Variants in ABL1 observed in about 807,000 individuals in gnomAD.
The protein encoded by ABL1 is ABL proto-oncogene 1, non-receptor tyrosine kinase.
A neutral mutation model predicts 94.7 loss-of-function variants in ABL1; 11 were observed. The ratio of observed to expected loss-of-function variants is 0.12; its 90% CI spans 0.07 to 0.19. The LOEUF (loss-of-function observed/expected upper bound fraction) is 0.19, where lower values mean the gene tolerates loss of function less well. Among genes scored for constraint, ABL1 ranks in the 10% least tolerant of loss-of-function variants. The pLI is 1.00. For synonymous variants in ABL1, 656 were observed against 622.4 expected, an observed-to-expected ratio of 1.05 and a Z score of -0.80; for missense variants, 1,082 against 1,489.4, an observed-to-expected ratio of 0.73 and a Z score of 4.50.
upstream of ABL1, chr9:130,834,781 C>T: frequency 1.6e-5 from 7 of 438,812 alleles, no homozygotes; most frequent in South Asian, 1.1e-4. Flanking sequence ...TCCCCAGACA[C>T]CCACTGCCTC....
In ABL1 at chr9:130,753,772, C is replaced by T. The variant is rs566522406; in HGVS notation, c.136+39317C>T. Among the ~76,000 whole-genome samples, 21 of 152,082 alleles carry T rather than the reference C, an allele frequency of 1.4e-4. No homozygotes were observed. The South Asian group carries it at 3.7e-3, about 27-fold the overall frequency. On this transcript the variant is annotated intron_variant, in intron 1 of 10. Coordinates refer to the ABL1 transcript ENST00000372348. ...TAGAGCAAAGATTGTGTCATAACCC[C>T]GGCACCTAGTATCATGCCTATTACA...
chr9:130,845,219 A>G (rs1203429364), intron 1 of ABL1, among the ~76,000 whole-genome samples: 1 of 152,278 alleles, frequency 6.6e-6, no homozygotes, highest in Non-Finnish European at 1.5e-5. Context: ...AAGTTATTTA[A>G]TTAGTCCAAG....
intron 1 of ABL1, among the ~76,000 whole-genome samples, chr9:130,826,150 G>T (rs1273244298): frequency 6.9e-6 from 1 of 145,896 alleles, no homozygotes; most frequent in Non-Finnish European, 1.5e-5. Context: ...ACAATAAAAA[G>T]ATTTCTTTTT....
intron 1 of ABL1, among the ~76,000 whole-genome samples, chr9:130,794,323 T>TGG (rs1413397208): frequency 1.3e-5 from 2 of 152,124 alleles, no homozygotes; most frequent in Non-Finnish European, 2.9e-5. Flanking sequence ...TTTATTTATT[T>TGG]TTTTACCTGT....
At chr9:130,806,187 A>T (rs1425582576) in intron 1 of ABL1, among the ~76,000 whole-genome samples, 1 of 152,224 alleles carries the variant, frequency 6.6e-6, no homozygotes, top group Non-Finnish European at 1.5e-5. Flanking sequence ...CTTCAATGGT[A>T]GATATCTGTC....
intron 1 of ABL1, among the ~76,000 whole-genome samples, chr9:130,805,278 CA>C (rs1298420889): frequency 6.6e-6 from 1 of 152,158 alleles, no homozygotes; most frequent in East Asian, 1.9e-4. Context: ...CGGGGTTTCA[CA>C]ATATTGGTCA....
chr9:130,739,420 A>G (rs1489052648), intron 1 of ABL1, among the ~76,000 whole-genome samples: 5 of 151,594 alleles, frequency 3.3e-5, no homozygotes, highest in African/African-American at 1.2e-4. Flanking sequence ...TACAATGGAG[A>G]AAAACCTTCA....
At chr9:130,780,673 A>C (rs944258251) in intron 1 of ABL1, among the ~76,000 whole-genome samples, 1 of 152,152 alleles carries the variant, frequency 6.6e-6, no homozygotes, top group African/African-American at 2.4e-5. Flanking sequence ...AAAAAAGTTG[A>C]GAGGAGGGAG....
chr9:130,826,724 A>T (rs985576233), intron 1 of ABL1, among the ~76,000 whole-genome samples: 1 of 152,126 alleles, frequency 6.6e-6, no homozygotes, highest in Non-Finnish European at 1.5e-5. Flanking sequence ...ACCCCTCCCA[A>T]CCCCACAGAG....
chr9:130,850,287 A>C (rs558670162), intron 1 of ABL1, among the ~76,000 whole-genome samples: 3 of 152,226 alleles, frequency 2.0e-5, no homozygotes, highest in African/African-American at 7.2e-5. Context: ...AAGGAAGATA[A>C]ATTTAACAAA....
At chr9:130,873,131 G>A (rs1043986077) in intron 6 of ABL1, 94 bp downstream of exon 6, 27 of 1,330,302 alleles carry the variant, frequency 2.0e-5, no homozygotes, top group Non-Finnish European at 2.6e-5. Context: ...AGGTCTCAGG[G>A]CGCAGCTTCT....
intron 1 of ABL1, among the ~76,000 whole-genome samples, chr9:130,737,599 C>T (rs1456554933): frequency 6.6e-6 from 1 of 152,120 alleles, no homozygotes. Context: ...CCCAGTACCT[C>T]AGGTTTAAGG....
intron 1 of ABL1, among the ~76,000 whole-genome samples, chr9:130,766,704 A>G (rs746426536): frequency 1.3e-5 from 2 of 151,994 alleles, no homozygotes; most frequent in Non-Finnish European, 2.9e-5. Context: ...CGATACAGTC[A>G]CAAGTGCCTA....
rs951881953 is a variant in ABL1, at chr9:130,727,758, C to A, written c.136+13303C>A. ...GTGACAGAGTGAGACACCGCCCCCC[C>A]CCCCCAAAAAAAAGCATTTATTAGG... On this transcript the variant is annotated intron_variant, in intron 1 of 10. Coordinates refer to the ABL1 transcript ENST00000372348. 1.9e-3 allele frequency among the ~76,000 whole-genome samples: 260 copies of A among 134,730 alleles called. 18 individuals carry two copies. The highest frequency in any genetic ancestry group is 6.3e-3 in the African/African-American group (195 of 31,184). 88.4% of individuals were successfully genotyped at this position (134,730 alleles called of 152,430 possible). A position where few individuals can be genotyped will look rare whatever the true frequency, so the allele number is the denominator to read the frequency against.
chr9:130,780,382 G>A (rs1158903988), intron 1 of ABL1, among the ~76,000 whole-genome samples: 3 of 152,182 alleles, frequency 2.0e-5, no homozygotes, highest in Non-Finnish European at 4.4e-5. Context: ...GAAGCCATAC[G>A]GTGAACCAGG....
At chr9:130,807,610 TAA>T (rs1248372695) in intron 1 of ABL1, among the ~76,000 whole-genome samples, 1 of 150,414 alleles carries the variant, frequency 6.6e-6, no homozygotes, top group Non-Finnish European at 1.5e-5. Flanking sequence ...ATTTTTATTA[TAA>T]GTTTAAATAG....
chr9:130,747,202 T>C (rs551187106), intron 1 of ABL1, among the ~76,000 whole-genome samples: 19 of 152,172 alleles, frequency 1.2e-4, no homozygotes, highest in Admixed American at 4.6e-4. Context: ...TGGTGAAACC[T>C]TGTCTCTACA....
chr9:130,802,091 C>T (rs1830062640), intron 1 of ABL1, among the ~76,000 whole-genome samples: 1 of 127,864 alleles, frequency 7.8e-6, no homozygotes, highest in Non-Finnish European at 1.6e-5. Flanking sequence ...TTTTTTCCTT[C>T]AGTCTTTTTT....
rs752754691 is a variant in ABL1 at position 130,752,958 on chromosome 9, CAA to C, written c.136+38517_136+38518del. Among the ~76,000 whole-genome samples the C allele has an allele frequency of 8.2e-4, 68 of 82,438 alleles. 2 individuals carry two copies. The highest frequency in any genetic ancestry group is 2.1e-3 in the African/African-American group (49 of 23,754). The allele number at this position is 82,438 out of a possible 152,430, so 54.1% of individuals were successfully genotyped here. On this transcript the variant is annotated intron_variant, in intron 1 of 10. Transcript: ENST00000372348. Reference sequence around the variant, plus strand: ...TGGGTTACAAAGCGAGACTTCGTCTCAAAAAAAAAAAAAAAGGGCTGGGCGCA... The same window carrying C: ...TGGGTTACAAAGCGAGACTTCGTCTCAAAAAAAAAAAAAGGGCTGGGCGCA...
Sources: gnomAD v4.1 joint callset for allele counts (sites outside exome capture counted in the v4.1 genomes callset) on GRCh38, gnomAD v4.1.1 for gene constraint, MANE v1.5 for transcripts, NCBI Gene and HGNC (gene_info 2026-07-23, HGNC 2026-07-21) for gene names.